The following C5orf24 variants were observed in gnomAD, a reference collection of about 807,000 sequenced individuals.
C5orf24 encodes chromosome 5 open reading frame 24.
A neutral mutation model predicts 9.8 loss-of-function variants in C5orf24; 4 were observed. The ratio of observed to expected loss-of-function variants is 0.41; its 90% CI spans 0.20 to 0.93. The LOEUF (loss-of-function observed/expected upper bound fraction) is 0.93. C5orf24 is among the 40% of genes least tolerant of loss of function. The pLI is 0.33. For synonymous variants in C5orf24, 73 were observed against 81.3 expected (o/e 0.90, Z 0.55); for missense variants, 170 against 236.9 (o/e 0.72, Z 1.85).
At chr5:134,848,799 G>A (rs1324728642) in intron 1 of C5orf24, among the ~76,000 whole-genome samples, 1 of 141,168 alleles carries the variant, frequency 7.1e-6, no homozygotes, top group African/African-American at 2.6e-5. Context: ...CGTCTCTACC[G>A]AAAATAAAAA....
At chr5:134,833,897 A>G in the C5orf24 span, among the ~76,000 whole-genome samples, 3 of 152,268 alleles carry the variant, frequency 2.0e-5, no homozygotes, top group East Asian at 5.8e-4. Flanking sequence ...TCTCTTCCAA[A>G]TATGGCAACA....
At position 134,858,414 on chromosome 5, in the gene C5orf24, A is replaced by G. The variant is rs1044047777; in HGVS notation, c.*2947A>G. 4.2e-5 allele frequency: 7 copies of G among 166,866 alleles called. No homozygotes were observed. The highest frequency in any genetic ancestry group is 1.0e-4 in the Non-Finnish European group (7 of 68,116). 10.3% of individuals were successfully genotyped at this position (166,866 alleles called of 1,614,324 possible). A position where few individuals can be genotyped will look rare whatever the true frequency, so the allele number is the denominator to read the frequency against. On this transcript the variant is annotated 3_prime_UTR_variant, in exon 2 of 2. Transcript: ENST00000394976. Reference sequence around the variant, plus strand: ...TGTTAACACTGTCTCTTGTTATGATAAACACTGAAATAGCATGTTAAACAG... The same window carrying G: ...TGTTAACACTGTCTCTTGTTATGATGAACACTGAAATAGCATGTTAAACAG...
At position 134,855,119 on chromosome 5, in the gene C5orf24, A is replaced by G. The variant is rs776141095; in HGVS notation, c.219A>G (p.Glu73=). The G allele has an allele frequency of 9.3e-6, 15 of 1,614,070 alleles. No homozygotes were observed. In the South Asian group the frequency reaches 1.5e-4, roughly 17 times the overall value. Residue 73 remains glutamate, a synonymous_variant, in exon 2 of 2, where the codon GAA becomes GAG. Coordinates refer to ENST00000394976, the MANE Select transcript of C5orf24 (RefSeq NM_001135586.1). ...AGACTACAAGTGGCAGAAGCATAGAAATAAAAGATGAACTAAAGAAAAAGA... is the reference window on the plus strand; with the variant it reads ...AGACTACAAGTGGCAGAAGCATAGAGATAAAAGATGAACTAAAGAAAAAGA... ...HLQTTSGRSI[E]IKDELKKKKN...
chr5:134,854,077 C>T (rs911513220), intron 1 of C5orf24, among the ~76,000 whole-genome samples: 1 of 152,106 alleles, frequency 6.6e-6, no homozygotes, highest in Admixed American at 6.5e-5. Context: ...AAGACTCCAT[C>T]TCAAAAATTT....
chr5:134,849,607 C>T (rs1756098704), intron 1 of C5orf24, among the ~76,000 whole-genome samples: 1 of 141,288 alleles, frequency 7.1e-6, no homozygotes, highest in Non-Finnish European at 1.5e-5. Flanking sequence ...ATATATAGAA[C>T]ATACAGAAGC....
upstream of C5orf24, among the ~76,000 whole-genome samples, chr5:134,844,801 G>A (rs886441756): frequency 7.9e-5 from 12 of 152,074 alleles, no homozygotes; most frequent in Admixed American, 3.9e-4. Context: ...GCAGTGGTGC[G>A]ATCTCGGCTC....
chr5:134,852,854 T>C, intron 1 of C5orf24, among the ~76,000 whole-genome samples: 1 of 151,922 alleles, frequency 6.6e-6, no homozygotes, highest in Non-Finnish European at 1.5e-5. Context: ...CTGACCAACA[T>C]GGAGAAACCT....
At position 134,855,783 on chromosome 5, in the gene C5orf24, G is replaced by A. The variant is rs1756294502; in HGVS notation, c.*316G>A. 8.3e-7 allele frequency: 1 copy of A among 1,198,340 alleles called. No individual in the cohort carries two copies. Among genetic ancestry groups the A allele is most frequent in the Non-Finnish European group, 1.0e-6 (1 of 952,738 alleles). The allele number at this position is 1,198,340 out of a possible 1,614,324, so 74.2% of individuals were successfully genotyped here. The stretch of plus-strand genomic sequence containing the variant: ...GCTGTTCTAAATAGATGCTTTATGT[G>A]ATAAACAACTGAAACCATTATACCT... On this transcript the variant is annotated 3_prime_UTR_variant, in exon 2 of 2. Coordinates refer to ENST00000394976, the MANE Select transcript of C5orf24 (RefSeq NM_001135586.1).
At chr5:134,842,002 T>A (rs1203936208), upstream of C5orf24, among the ~76,000 whole-genome samples, 2 of 152,146 alleles carry the variant, frequency 1.3e-5, no homozygotes, top group Non-Finnish European at 2.9e-5. Context: ...GCTGATTGCT[T>A]TAATATGAGG....
upstream of C5orf24, among the ~76,000 whole-genome samples, chr5:134,843,369 GA>G (rs1413688146): frequency 2.6e-5 from 4 of 152,146 alleles, no homozygotes; most frequent in African/African-American, 9.7e-5. Flanking sequence ...ATATTTTATG[GA>G]AAATGGTAAA....
Position 134,855,207 on chromosome 5 carries a change from C to G in C5orf24, c.307C>G (p.Arg103Gly), listed in dbSNP as rs1388464105. 1.9e-6 allele frequency: 3 copies of G among 1,613,966 alleles called. No individual in the cohort carries two copies. The highest frequency in any genetic ancestry group is 1.7e-6 in the Non-Finnish European group (2 of 1,180,030). The change falls in exon 2 of 2, where the codon CGG becomes GGG. Residue 103 changes from arginine to glycine, a missense_variant. By Grantham distance (125) the Arg-to-Gly change is moderately radical. This residue lies in a region of C5orf24 where 21 missense variants were observed against 72.2 expected (regional missense o/e 0.29). Coordinates refer to ENST00000394976, the MANE Select transcript of C5orf24 (RefSeq NM_001135586.1). The part of the protein sequence containing the change: ...PSGTTKSAGY[R>G]TSTGRPLGTT... ...GGGAACCACCAAATCAGCAGGATAC[C>G]GGACCAGCACAGGCAGACCCCTGGG...
chr5:134,857,768 G>T lies in C5orf24; in HGVS notation c.*2301G>T. ...TTGGCTGCTTAGAAATCTTTTTCAA[G>T]CCAGTTTCTAAAGACATTTGTTTAA... On this transcript the variant is annotated 3_prime_UTR_variant, in exon 2 of 2. Coordinates refer to ENST00000394976, the MANE Select transcript of C5orf24 (RefSeq NM_001135586.1). 5.2e-6 allele frequency: 1 copy of T among 193,736 alleles called. No homozygotes were observed. The allele number at this position is 193,736 out of a possible 1,614,324, so 12.0% of individuals were successfully genotyped here. A position where few individuals can be genotyped will look rare whatever the true frequency, so the allele number is the denominator to read the frequency against.
the C5orf24 span, among the ~76,000 whole-genome samples, chr5:134,839,901 G>A: frequency 6.6e-6 from 1 of 151,814 alleles, no homozygotes; most frequent in Middle Eastern, 3.2e-3. Flanking sequence ...TCACCATGTT[G>A]GTCAAGCTGG....
rs35375521 is a variant in C5orf24, at chr5:134,849,647, C to CTTT, written c.-4+3460_-4+3462dup. 6.8e-3 allele frequency among the ~76,000 whole-genome samples: 524 copies of CTTT among 76,952 alleles called. 77 individuals carry two copies. Among genetic ancestry groups the CTTT allele is most frequent in the South Asian group, 0.028 (40 of 1,448 alleles). The allele number at this position is 76,952 out of a possible 152,430, so 50.5% of individuals were successfully genotyped here. On this transcript the variant is annotated intron_variant, in intron 1 of 1. Transcript: ENST00000394976. The stretch of plus-strand genomic sequence containing the variant: ...CACTTCAGAAATGTTAAGTCAGTGT[C>CTTT]TTTTTTTTTTTTTTTTTTTTTTTTT...
At chr5:134,835,205 A>C in the C5orf24 span, among the ~76,000 whole-genome samples, 1 of 152,064 alleles carries the variant, frequency 6.6e-6, no homozygotes, top group African/African-American at 2.4e-5. Flanking sequence ...GACTGTCTTA[A>C]AAAAAAGTAT....
rs1184379396 is a variant in C5orf24, at chr5:134,859,678, T to G, written c.*4211T>G. 6.0e-6 allele frequency: 1 copy of G among 167,056 alleles called. No individual in the cohort carries two copies. The highest frequency in any genetic ancestry group is 6.5e-5 in the Admixed American group (1 of 15,284). The allele number at this position is 167,056 out of a possible 1,614,324, so 10.3% of individuals were successfully genotyped here. On this transcript the variant is annotated 3_prime_UTR_variant, in exon 2 of 2. Transcript: ENST00000394976. The stretch of plus-strand genomic sequence containing the variant: ...TGGGAATGGAGTAGTGTTCATGATT[T>G]GTATCTACATCATCATATGGATGTA...
At chr5:134,854,871 T>C in intron 1 of C5orf24, 27 bp from the exon 2 acceptor site, 1 of 1,608,236 alleles carries the variant, frequency 6.2e-7, no homozygotes, top group Non-Finnish European at 8.5e-7. Flanking sequence ...TGTGTATTTA[T>C]ATATATTTGT....
chr5:134,837,492 A>G, the C5orf24 span, among the ~76,000 whole-genome samples: 1 of 152,040 alleles, frequency 6.6e-6, no homozygotes, highest in African/African-American at 2.4e-5. Flanking sequence ...TATACACTGA[A>G]TGTTTGTACC....
chr5:134,853,122 G>A (rs537115482), intron 1 of C5orf24, among the ~76,000 whole-genome samples: 4 of 151,892 alleles, frequency 2.6e-5, no homozygotes, highest in African/African-American at 9.7e-5. Context: ...CTGAGATCGC[G>A]CTACTGCACT....
Sources: allele counts gnomAD v4.1 joint callset (sites outside exome capture counted in the v4.1 genomes callset), GRCh38; gene constraint gnomAD v4.1.1; regional missense constraint gnomAD v4.1.1; transcripts MANE v1.5; gene names NCBI Gene and HGNC (gene_info 2026-07-23, HGNC 2026-07-21).